Variants in RANBP2 observed in about 807,000 individuals in gnomAD.
The protein encoded by RANBP2 is RAN binding protein 2.
RANBP2 carries 57 observed loss-of-function variants against 303.6 expected under a neutral mutation model. The observed-to-expected ratio is 0.19, with a 90% CI of 0.15 to 0.23. RANBP2 has a LOEUF of 0.23. Among genes scored for constraint, RANBP2 ranks in the 10% least tolerant of loss-of-function variants. The pLI, the probability that RANBP2 is intolerant of heterozygous loss-of-function variation, is 1.00. For synonymous variants in RANBP2, 1,167 were observed against 1,301.5 expected (o/e 0.90, Z 2.23); for missense variants, 3,138 against 3,780.8 (o/e 0.83, Z 4.46).
intron 1 of RANBP2, chr2:108,719,955 C>G (rs955599223): frequency 8.1e-6 from 8 of 985,186 alleles, no homozygotes; most frequent in Non-Finnish European, 6.0e-6. Context: ...TGGGGCCGCC[C>G]TGGCCCGGGC....
At chr2:109,773,203 C>T in the RANBP2 span, among the ~76,000 whole-genome samples, 1 of 151,108 alleles carries the variant, frequency 6.6e-6, no homozygotes, top group African/African-American at 2.5e-5. Context: ...AGGCTGCAGG[C>T]ACCACGGTGT....
At chr2:108,772,759 T>C (rs1157257865) in intron 22 of RANBP2, 109 bp from the exon 23 acceptor site, 2 of 1,272,636 alleles carry the variant, frequency 1.6e-6, no homozygotes, top group East Asian at 2.5e-5. Flanking sequence ...TTCATTAGTA[T>C]GTACAGGTCT....
chr2:109,046,565 C>T, the RANBP2 span, among the ~76,000 whole-genome samples: 1 of 151,764 alleles, frequency 6.6e-6, no homozygotes, highest in Admixed American at 6.6e-5. Flanking sequence ...CGCCACCACA[C>T]CCGGCTAAAT....
chr2:109,585,952 C>A, the RANBP2 span: 8 of 688,536 alleles, frequency 1.2e-5, no homozygotes, highest in Non-Finnish European at 2.0e-5. Context: ...TTTTTATAAT[C>A]ATTATACCTC....
At chr2:109,263,969 A>C in the RANBP2 span, among the ~76,000 whole-genome samples, 1 of 152,228 alleles carries the variant, frequency 6.6e-6, no homozygotes, top group East Asian at 1.9e-4. Flanking sequence ...TCTCCATCTC[A>C]AAAAGAAAGA....
the RANBP2 span, among the ~76,000 whole-genome samples, chr2:109,430,450 C>T: frequency 6.6e-6 from 1 of 151,992 alleles, no homozygotes; most frequent in East Asian, 1.9e-4. Flanking sequence ...AGCCACCCTC[C>T]TCTCCTCTCC....
At chr2:109,490,966 C>T in the RANBP2 span, 1 of 1,425,702 alleles carries the variant, frequency 7.0e-7, no homozygotes, top group Non-Finnish European at 9.2e-7. Flanking sequence ...TGCTCTGTGG[C>T]ATGCTGTGGT....
the RANBP2 span, chr2:109,129,539 C>G: frequency 5.4e-5 from 81 of 1,496,580 alleles, 3 homozygotes; most frequent in South Asian, 8.9e-4. Flanking sequence ...GGCGCCTCCC[C>G]CATGCTGCTC....
At chr2:109,585,081 T>C in the RANBP2 span, 9 of 1,308,488 alleles carry the variant, frequency 6.9e-6, no homozygotes, top group South Asian at 1.5e-4. Context: ...GGCGAATGTC[T>C]TGAAATAAGA....
the RANBP2 span, among the ~76,000 whole-genome samples, chr2:109,484,461 C>T: frequency 6.6e-6 from 1 of 152,252 alleles, no homozygotes; most frequent in African/African-American, 2.4e-5. Context: ...ACCTGTTCCA[C>T]ACCTCTGACC....
the RANBP2 span, among the ~76,000 whole-genome samples, chr2:109,336,652 T>G: frequency 6.6e-6 from 1 of 152,274 alleles, no homozygotes; most frequent in African/African-American, 2.4e-5. Context: ...TTTGTTTCTC[T>G]GCAGTGAGAC....
At chr2:108,754,729 AAAC>A (rs1288823625) in intron 15 of RANBP2, among the ~76,000 whole-genome samples, 173 bp from the exon 16 acceptor site, 4 of 151,190 alleles carry the variant, frequency 2.6e-5, no homozygotes, top group South Asian at 2.1e-4. Flanking sequence ...TAATAATACA[AAAC>A]AACAGAAAAA....
At chr2:109,360,642 G>A in the RANBP2 span, among the ~76,000 whole-genome samples, 4 of 152,268 alleles carry the variant, frequency 2.6e-5, no homozygotes, top group South Asian at 6.2e-4. Flanking sequence ...ATATAGGAAA[G>A]CAATTGACTT....
At chr2:109,720,615 G>C in the RANBP2 span, among the ~76,000 whole-genome samples, 1 of 152,168 alleles carries the variant, frequency 6.6e-6, no homozygotes, top group African/African-American at 2.4e-5. Context: ...TAAGAACTTG[G>C]TGTGCCAAAT....
the RANBP2 span, among the ~76,000 whole-genome samples, chr2:109,721,844 A>G: frequency 2.6e-5 from 4 of 152,090 alleles, no homozygotes; most frequent in Admixed American, 2.6e-4. Context: ...GCGAGCAGCC[A>G]CCTTGCCCCA....
At chr2:108,898,628 A>G in the RANBP2 span, among the ~76,000 whole-genome samples, 1 of 152,258 alleles carries the variant, frequency 6.6e-6, no homozygotes, top group Non-Finnish European at 1.5e-5. Flanking sequence ...GAGATGACAG[A>G]TGTTAGATAA....
At chr2:109,522,415 AC>A in the RANBP2 span, among the ~76,000 whole-genome samples, 1 of 147,896 alleles carries the variant, frequency 6.8e-6, no homozygotes, top group Non-Finnish European at 1.5e-5. Context: ...TCTCAGCCCC[AC>A]CCCCCAAGTA....
chr2:108,964,275 G>A, the RANBP2 span, among the ~76,000 whole-genome samples: 1 of 152,096 alleles, frequency 6.6e-6, no homozygotes, highest in South Asian at 2.1e-4. Context: ...GGACTTTTCT[G>A]AGGTCCACCG....
At position 108,764,010 on chromosome 2, in the gene RANBP2, T is replaced by A; in HGVS notation, c.3471T>A (p.Asp1157Glu). 1 of 1,613,806 alleles carries A rather than the reference T, an allele frequency of 6.2e-7. No individual in the cohort carries two copies. The highest frequency in any genetic ancestry group is 1.3e-5 in the African/African-American group (1 of 74,984). ...LETANKNHET[D>E]GGSAHGDDDD... ...CAGCAAACAAGAATCATGAGACAGA[T>A]GGAGGAAGTGCCCATGGGGATGATG... Residue 1157 changes from aspartate to glutamate, a missense_variant, in exon 20 of 29, where the codon GAT becomes GAA. Physicochemically the swap from Asp to Glu is conservative, Grantham distance 45. This residue lies in a region of RANBP2 where 403 missense variants were observed against 376.7 expected (regional missense o/e 1.07). Transcript: ENST00000283195.
Sources: gnomAD v4.1 joint callset for allele counts (sites outside exome capture counted in the v4.1 genomes callset) on GRCh38, gnomAD v4.1.1 for gene constraint, gnomAD v4.1.1 regional missense constraint, MANE v1.5 for transcripts, NCBI Gene and HGNC (gene_info 2026-07-23, HGNC 2026-07-21) for gene names.